The following IPCEF1 variants were observed in gnomAD, a reference collection of about 807,000 sequenced individuals.
IPCEF1 encodes interactor protein for cytohesin exchange factors 1.
Under a neutral mutation model 50.9 loss-of-function variants are expected in IPCEF1, and 31 were observed. The ratio of observed to expected loss-of-function variants is 0.61; its 90% CI spans 0.46 to 0.82. The LOEUF (loss-of-function observed/expected upper bound fraction) is 0.82. Among genes scored for constraint, IPCEF1 ranks in the 40% least tolerant of loss-of-function variants. The pLI is 0.00. For synonymous variants in IPCEF1, 181 were observed against 192.0 expected (o/e 0.94, Z 0.47); for missense variants, 458 against 514.0 (o/e 0.89, Z 1.05).
At chr6:154,223,093 C>T in intron 6 of IPCEF1, 77 bp downstream of exon 6, 1 of 1,157,238 alleles carries the variant, frequency 8.6e-7, no homozygotes, top group African/African-American at 1.5e-5. Flanking sequence ...ACTTCTAAAT[C>T]ACCATATCCC....
chr6:154,271,685 A>G (rs1230884655), intron 2 of IPCEF1, among the ~76,000 whole-genome samples: 2 of 152,172 alleles, frequency 1.3e-5, no homozygotes, highest in African/African-American at 4.8e-5. Flanking sequence ...ACAACCAAAA[A>G]TATATGCTTA....
At chr6:154,313,582 A>C (rs1178618651) in intron 1 of IPCEF1, among the ~76,000 whole-genome samples, 7 of 152,190 alleles carry the variant, frequency 4.6e-5, no homozygotes, top group Admixed American at 4.6e-4. Flanking sequence ...GGTTAAGCCT[A>C]ATCTCTTCAA....
chr6:154,321,778 TAAAAAAAAAAAAAA>T (rs61648946), intron 1 of IPCEF1, among the ~76,000 whole-genome samples: 5 of 51,936 alleles, frequency 9.6e-5, no homozygotes, highest in African/African-American at 1.6e-4. Flanking sequence ...AGACTCTTTC[TAAAAAAAAAAAAAA>T]AAAAAAAAAA....
chr6:154,286,957 AC>A (rs1282660408), intron 2 of IPCEF1, among the ~76,000 whole-genome samples: 1 of 152,214 alleles, frequency 6.6e-6, no homozygotes, highest in Non-Finnish European at 1.5e-5. Context: ...TGACTGGATC[AC>A]GGGGGTGGAT....
chr6:154,294,951 C>T (rs1001547230), intron 1 of IPCEF1, among the ~76,000 whole-genome samples: 1 of 152,128 alleles, frequency 6.6e-6, no homozygotes, highest in Non-Finnish European at 1.5e-5. Context: ...GTAATCCCAG[C>T]ACTTTGGGAG....
chr6:154,246,397 G>A (rs896991359), intron 5 of IPCEF1, among the ~76,000 whole-genome samples, 194 bp downstream of exon 5: 1 of 152,168 alleles, frequency 6.6e-6, no homozygotes, highest in Non-Finnish European at 1.5e-5. Context: ...AACAGGATGG[G>A]TTTCTTCTCC....
chr6:154,319,208 CAG>C (rs562918332), intron 1 of IPCEF1, among the ~76,000 whole-genome samples: 3 of 152,116 alleles, frequency 2.0e-5, no homozygotes, highest in Admixed American at 6.6e-5. Flanking sequence ...ATAAAATTTT[CAG>C]AGTCTTTTCA....
chr6:154,200,083 A>G, intron 9 of IPCEF1, 43 bp from the exon 10 acceptor site: 1 of 1,525,762 alleles, frequency 6.6e-7, no homozygotes. Flanking sequence ...AAAAGACATC[A>G]TGATTAAACC....
At chr6:154,322,246 G>A (rs576806101) in intron 1 of IPCEF1, among the ~76,000 whole-genome samples, 1 of 152,180 alleles carries the variant, frequency 6.6e-6, no homozygotes, top group African/African-American at 2.4e-5. Flanking sequence ...GCTGGGCAAG[G>A]TGTCTCACAC....
rs1328237553 is a variant in IPCEF1 at position 154,341,991 on chromosome 6, G to A, written c.-62+14681C>T. 3.3e-5 allele frequency among the ~76,000 whole-genome samples: 5 copies of A among 152,274 alleles called. No homozygotes were observed. In the East Asian group the frequency reaches 9.6e-4, roughly 29 times the overall value. On this transcript the variant is annotated intron_variant, in intron 1 of 11. Transcript: ENST00000367220. Reference sequence around the variant, plus strand: ...AAACCCCTTATGTCAAAGAGGTTAAGCATAGAGGTTGAGTCATGCAACATC... The same window carrying A: ...AAACCCCTTATGTCAAAGAGGTTAAACATAGAGGTTGAGTCATGCAACATC...
intron 1 of IPCEF1, among the ~76,000 whole-genome samples, chr6:154,329,150 G>T (rs1280701622): frequency 6.6e-6 from 1 of 152,154 alleles, no homozygotes; most frequent in Non-Finnish European, 1.5e-5. Flanking sequence ...AGTGGCTCAT[G>T]TCTGTCATCC....
At chr6:154,317,050 G>T (rs67742422) in intron 1 of IPCEF1, among the ~76,000 whole-genome samples, 1 of 152,020 alleles carries the variant, frequency 6.6e-6, no homozygotes, top group African/African-American at 2.4e-5. Context: ...TGTGATCTTG[G>T]GGTAGGCAAA....
chr6:154,287,243 T>TA (rs1171305801), intron 2 of IPCEF1, among the ~76,000 whole-genome samples: 3 of 152,010 alleles, frequency 2.0e-5, no homozygotes, highest in Non-Finnish European at 4.4e-5. Flanking sequence ...ACCATGACTG[T>TA]AAGTTTCCTG....
At chr6:154,224,079 A>T (rs993830786) in intron 5 of IPCEF1, among the ~76,000 whole-genome samples, 4 of 152,208 alleles carry the variant, frequency 2.6e-5, no homozygotes, top group African/African-American at 9.6e-5. Context: ...TAGAACTCAA[A>T]TCTTCTTTCA....
intron 9 of IPCEF1, among the ~76,000 whole-genome samples, chr6:154,208,247 C>T (rs1562541883): frequency 1.3e-5 from 2 of 152,172 alleles, no homozygotes; most frequent in Non-Finnish European, 2.9e-5. Context: ...CCGCGTCAGC[C>T]ACAGAGGGCT....
chr6:154,344,739 G>C (rs1783992239), intron 1 of IPCEF1, among the ~76,000 whole-genome samples: 1 of 152,078 alleles, frequency 6.6e-6, no homozygotes, highest in South Asian at 2.1e-4. Context: ...CTGAAACTTT[G>C]CCCTTTTTTT....
At chr6:154,312,218 A>C (rs1205710432) in intron 1 of IPCEF1, among the ~76,000 whole-genome samples, 1 of 152,228 alleles carries the variant, frequency 6.6e-6, no homozygotes, top group African/African-American at 2.4e-5. Flanking sequence ...CAGTCACAAA[A>C]AGATAAGTAC....
chr6:154,251,316 G>A (rs1055964030), intron 3 of IPCEF1, among the ~76,000 whole-genome samples: 8 of 152,272 alleles, frequency 5.3e-5, no homozygotes, highest in South Asian at 2.1e-4. Context: ...TTGGGAGGCC[G>A]GGGTGGGAGG....
chr6:154,212,960 A>G (rs752906620), intron 8 of IPCEF1, 105 bp from the exon 9 acceptor site: 8 of 787,276 alleles, frequency 1.0e-5, no homozygotes, highest in Admixed American at 6.2e-5. Flanking sequence ...TTTCAATCCA[A>G]TTCAGAAAGT....
Sources: gnomAD v4.1 joint callset for allele counts (sites outside exome capture counted in the v4.1 genomes callset) on GRCh38, gnomAD v4.1.1 for gene constraint, MANE v1.5 for transcripts, NCBI Gene and HGNC (gene_info 2026-07-23, HGNC 2026-07-21) for gene names.